The following MRE11 variants were observed in gnomAD, a reference collection of about 807,000 sequenced individuals.
The protein encoded by MRE11 is double-strand break repair protein MRE11.
MRE11 carries 62 observed loss-of-function variants against 91.7 expected under a neutral mutation model. The ratio of observed to expected loss-of-function variants is 0.68; its 90% CI spans 0.55 to 0.84. The LOEUF (loss-of-function observed/expected upper bound fraction) is 0.84, where lower values mean the gene tolerates loss of function less well. Ranked by LOEUF, MRE11 falls within the 40% of genes least tolerant of loss-of-function variation. The pLI, the probability that MRE11 is intolerant of heterozygous loss-of-function variation, is 0.00. For missense variants in MRE11, 796 were observed against 852.9 expected (o/e 0.93, Z 0.83); for synonymous variants, 273 against 271.4 (o/e 1.01, Z -0.06).
At chr11:94,496,157 G>A (rs1185564908), upstream of MRE11, among the ~76,000 whole-genome samples, 1 of 152,098 alleles carries the variant, frequency 6.6e-6, no homozygotes, top group Non-Finnish European at 1.5e-5. Flanking sequence ...CCTTTTGGGG[G>A]CTATTCCATC....
intron 19 of MRE11, among the ~76,000 whole-genome samples, chr11:94,426,873 C>T (rs1945335560): frequency 6.6e-6 from 1 of 152,090 alleles, no homozygotes; most frequent in South Asian, 2.1e-4. Context: ...AAAACCTGAA[C>T]AGACCAATAA....
intron 1 of MRE11, among the ~76,000 whole-genome samples, chr11:94,493,414 T>C (rs1253296517): frequency 1.3e-5 from 2 of 152,254 alleles, no homozygotes; most frequent in East Asian, 1.9e-4. Flanking sequence ...GGAACACCTT[T>C]AAGCACCAGC....
chr11:94,477,544 A>G (rs1359353741), intron 6 of MRE11, among the ~76,000 whole-genome samples: 1 of 152,204 alleles, frequency 6.6e-6, no homozygotes, highest in Non-Finnish European at 1.5e-5. Context: ...CCAACAATGT[A>G]GAAGTCTAGA....
At chr11:94,453,982 G>A (rs529224659) in intron 14 of MRE11, among the ~76,000 whole-genome samples, 9 of 151,902 alleles carry the variant, frequency 5.9e-5, no homozygotes, top group Admixed American at 2.6e-4. Context: ...CACATGTCCC[G>A]CAAAGCCTAA....
chr11:94,462,585 T>C (rs934922592), intron 11 of MRE11, among the ~76,000 whole-genome samples: 1 of 152,032 alleles, frequency 6.6e-6, no homozygotes, highest in African/African-American at 2.4e-5. Flanking sequence ...ATAAGAGATA[T>C]AGACCAACGG....
intron 14 of MRE11, among the ~76,000 whole-genome samples, chr11:94,447,665 CAAAAAAA>C (rs56850566): frequency 2.2e-3 from 106 of 49,002 alleles, no homozygotes; most frequent in African/African-American, 6.6e-3. Context: ...CCCGTCTCTA[CAAAAAAA>C]AAAAAAAAAA....
At chr11:94,498,296 C>A, upstream of MRE11, 1 of 1,614,132 alleles carries the variant, frequency 6.2e-7, no homozygotes, top group Non-Finnish European at 8.5e-7. Flanking sequence ...TTTCTTACTG[C>A]AGCATGATGC....
rs104895004 is a variant in MRE11 at position 94,418,192 on chromosome 11, C to A, written c.*1933G>T. 636 of 232,922 alleles carry A rather than the reference C, an allele frequency of 2.7e-3. 2 individuals are homozygous for A. Among genetic ancestry groups the A allele is most frequent in the Non-Finnish European group, 4.0e-3 (474 of 117,938 alleles). The allele number at this position is 232,922 out of a possible 1,614,324, so 14.4% of individuals were successfully genotyped here. On this transcript the variant is annotated 3_prime_UTR_variant, in exon 20 of 20. Transcript: ENST00000323929. ...ATATATAGCACATTTAACTATGTAA[C>A]AATATTCAATCAAAAAAAGGTTTCC...
At chr11:94,443,085 T>A (rs756519709) in intron 16 of MRE11, among the ~76,000 whole-genome samples, 1 of 152,246 alleles carries the variant, frequency 6.6e-6, no homozygotes, top group Non-Finnish European at 1.5e-5. Context: ...TGATTTTGTA[T>A]CTTTTCTTCA....
At chr11:94,485,871 C>T (rs780824456) in intron 4 of MRE11, 53 bp downstream of exon 4, 51 of 1,548,176 alleles carry the variant, frequency 3.3e-5, no homozygotes, top group African/African-American at 1.9e-4. Flanking sequence ...GTGTCTTATA[C>T]AGCAAATACC....
chr11:94,511,232 AAGAG>A, the MRE11 span, among the ~76,000 whole-genome samples: 2 of 152,160 alleles, frequency 1.3e-5, no homozygotes, highest in African/African-American at 2.4e-5. Context: ...GAGAGAAAGA[AAGAG>A]AGAGCGATCT....
intron 18 of MRE11, among the ~76,000 whole-genome samples, chr11:94,435,324 G>A (rs778439058): frequency 1.3e-5 from 2 of 152,196 alleles, no homozygotes; most frequent in Non-Finnish European, 2.9e-5. Flanking sequence ...GGAGGTCGAG[G>A]TGGGTGGATC....
the MRE11 span, among the ~76,000 whole-genome samples, chr11:94,506,775 TGAGA>T: frequency 6.6e-6 from 1 of 151,940 alleles, no homozygotes; most frequent in Non-Finnish European, 1.5e-5. Flanking sequence ...TTTCTTTTAT[TGAGA>T]GAGTCTTGCT....
rs545056227 is a variant in MRE11 at position 94,463,036 on chromosome 11, C to T, written c.1225+1077G>A. 6.6e-5 allele frequency among the ~76,000 whole-genome samples: 10 copies of T among 152,234 alleles called. No individual in the cohort carries two copies. In the South Asian group the frequency reaches 2.1e-3, roughly 32 times the overall value. On this transcript the variant is annotated intron_variant, in intron 11 of 19. Coordinates refer to ENST00000323929, the MANE Select transcript of MRE11 (RefSeq NM_005591.4). ...ACATTTTTGCAATCTACCCTTCTGA[C>T]AAAGGGCTAATATCCAGAATCTATA...
chr11:94,476,008 G>T (rs577708204), intron 7 of MRE11, among the ~76,000 whole-genome samples: 1 of 152,236 alleles, frequency 6.6e-6, no homozygotes, highest in East Asian at 1.9e-4. Flanking sequence ...AAAGGAATGG[G>T]ATAAAGGAAT....
chr11:94,457,359 G>C (rs1946280315), intron 13 of MRE11, among the ~76,000 whole-genome samples: 1 of 152,160 alleles, frequency 6.6e-6, no homozygotes, highest in African/African-American at 2.4e-5. Context: ...GAATGAGTCA[G>C]CAAATACAGA....
intron 4 of MRE11, among the ~76,000 whole-genome samples, chr11:94,480,974 T>C (rs1946997024): frequency 6.6e-6 from 1 of 152,170 alleles, no homozygotes; most frequent in Non-Finnish European, 1.5e-5. Flanking sequence ...AATATTTCAG[T>C]ATAGCTCTGT....
At chr11:94,439,655 T>C (rs1945720772) in intron 16 of MRE11, among the ~76,000 whole-genome samples, 1 of 152,220 alleles carries the variant, frequency 6.6e-6, no homozygotes, top group South Asian at 2.1e-4. Context: ...AGTTTGCACT[T>C]ACTGAGGGCT....
intron 19 of MRE11, among the ~76,000 whole-genome samples, chr11:94,425,142 C>T (rs914387866): frequency 3.3e-5 from 5 of 152,110 alleles, no homozygotes; most frequent in Non-Finnish European, 5.9e-5. Flanking sequence ...AGGCTACCAG[C>T]GGACATCTCG....
Sources: gnomAD v4.1 joint callset for allele counts (sites outside exome capture counted in the v4.1 genomes callset) on GRCh38, gnomAD v4.1.1 for gene constraint, MANE v1.5 for transcripts, NCBI Gene and HGNC (gene_info 2026-07-23, HGNC 2026-07-21) for gene names.